Variants in PFKP observed in about 807,000 individuals in gnomAD.
PFKP encodes the protein ATP-dependent 6-phosphofructokinase, platelet type.
Under a neutral mutation model 94.3 loss-of-function variants are expected in PFKP, and 101 were observed. The ratio of observed to expected loss-of-function variants is 1.07; its 90% CI spans 0.91 to 1.26. The LOEUF (loss-of-function observed/expected upper bound fraction) is 1.26. Ranked by LOEUF, PFKP falls within the 50% of genes most tolerant of loss-of-function variation. PFKP has a pLI of 0.00. For missense variants in PFKP, 1,145 were observed against 1,103.3 expected, an observed-to-expected ratio of 1.04 and a Z score of -0.53; for synonymous variants, 573 against 432.6, an observed-to-expected ratio of 1.32 and a Z score of -4.03.
chr10:3,105,144 T>G lies in PFKP; in HGVS notation c.650T>G (p.Met217Arg). The change falls in exon 6 of 22, where the codon ATG becomes AGG. Residue 217 changes from methionine (M) to arginine (R), a missense_variant. Around this residue, in one of 3 missense-constraint regions of PFKP, gnomAD observed 1,119 missense variants for 1,062.8 expected, o/e 1.05. Transcript: ENST00000381125. ...SHQRTFVLEV[M>R]GRHCGYLALV... ...CAGAGGACCTTCGTTCTGGAGGTGATGGGACGACACTGTGGGTACGTACCT... is the reference window on the plus strand; with the variant it reads ...CAGAGGACCTTCGTTCTGGAGGTGAGGGGACGACACTGTGGGTACGTACCT... The G allele has an allele frequency of 6.2e-7, 1 of 1,613,912 alleles. No individual in the cohort carries two copies. The highest frequency in any genetic ancestry group is 8.5e-7 in the Non-Finnish European group (1 of 1,179,950).
intron 20 of PFKP, among the ~76,000 whole-genome samples, chr10:3,134,790 TTC>T (rs1564362696): frequency 2.6e-5 from 4 of 152,256 alleles, no homozygotes; most frequent in African/African-American, 9.6e-5. Flanking sequence ...GTATGACATG[TTC>T]TCTTTTATCA....
At chr10:3,070,328 T>C (rs1351546234) in intron 1 of PFKP, 2 of 152,284 alleles carry the variant, frequency 1.3e-5, no homozygotes, top group African/African-American at 4.8e-5. Flanking sequence ...AAGTAGGTTA[T>C]TCCTCGAGAA....
chr10:3,096,853 C>T (rs1310281163), intron 2 of PFKP, among the ~76,000 whole-genome samples: 2 of 139,666 alleles, frequency 1.4e-5, no homozygotes, highest in Non-Finnish European at 3.1e-5. Context: ...CCGAGGCGGG[C>T]GGATCACGAG....
intron 10 of PFKP, 75 bp from the exon 11 acceptor site, chr10:3,112,147 C>A: frequency 8.2e-7 from 1 of 1,217,542 alleles, no homozygotes. Context: ...AGGACCGAGC[C>A]AGTCTCTACC....
chr10:3,107,107 C>A, intron 7 of PFKP, 107 bp from the exon 8 acceptor site: 1 of 696,818 alleles, frequency 1.4e-6, no homozygotes, highest in Admixed American at 2.2e-5. Context: ...AAGATTCCTG[C>A]CCAGAAAGAG....
chr10:3,092,314 T>G (rs2131485510), intron 2 of PFKP, among the ~76,000 whole-genome samples: 1 of 152,320 alleles, frequency 6.6e-6, no homozygotes, highest in East Asian at 1.9e-4. Flanking sequence ...ATTGGCATCA[T>G]GCTTCCCTTC....
At position 3,113,197 on chromosome 10, in the gene PFKP, C is replaced by T. The variant is rs752614580; in HGVS notation, c.1224+9C>T. ...ATGATCAGATCCCAAAGGTAGGTGG[C>T]CGGCCTCCCGCGATGCCCCGACCTC... is the stretch of plus-strand genomic sequence containing the variant. On this transcript the variant is annotated intron_variant, in intron 12 of 21. Coordinates refer to ENST00000381125, the MANE Select transcript of PFKP (RefSeq NM_002627.5). 4 of 1,609,076 alleles carry T rather than the reference C, an allele frequency of 2.5e-6. No individual in the cohort carries two copies. The South Asian group carries it at 3.3e-5, about 13-fold the overall frequency.
In PFKP at chr10:3,067,694, C is replaced by A. The variant is rs1242602076; in HGVS notation, c.99C>A (p.Gly33=). 2 of 1,504,834 alleles carry A rather than the reference C, an allele frequency of 1.3e-6. No individual in the cohort carries two copies. Among genetic ancestry groups the A allele is most frequent in the South Asian group, 1.2e-5 (1 of 80,720 alleles). 93.2% of individuals were successfully genotyped at this position (1,504,834 alleles called of 1,614,324 possible). ...AGKAIGVLTS[G]GDAQGMNAAV... is the part of the protein sequence containing the mutation. ...AGGCCATCGGCGTGCTGACCAGCGG[C>A]GGGGATGCTCAAGGTGCGCGCCCCC... Residue 33 remains glycine (G), a synonymous_variant, in exon 1 of 22, where the codon GGC becomes GGA. Coordinates refer to ENST00000381125, the MANE Select transcript of PFKP (RefSeq NM_002627.5).
At chr10:3,129,634 C>A in intron 16 of PFKP, 185 bp from the exon 17 acceptor site, 1 of 641,108 alleles carries the variant, frequency 1.6e-6, no homozygotes, top group East Asian at 2.9e-5. Flanking sequence ...TTGCGGGGGA[C>A]CACGTTCACA....
intron 2 of PFKP, among the ~76,000 whole-genome samples, chr10:3,096,757 G>A (rs1181189260): frequency 3.9e-5 from 6 of 151,906 alleles, no homozygotes. Flanking sequence ...GCTCTGTTGT[G>A]CTTGCAGAAT....
At chr10:3,096,096 A>T in intron 2 of PFKP, among the ~76,000 whole-genome samples, 1 of 152,218 alleles carries the variant, frequency 6.6e-6, no homozygotes, top group East Asian at 1.9e-4. Flanking sequence ...ATTCGTTAAC[A>T]TGTTTGATTA....
chr10:3,136,372 G>C (rs560088003), intron 21 of PFKP, 78 bp from the exon 22 acceptor site: 2 of 1,497,036 alleles, frequency 1.3e-6, no homozygotes. Context: ...TGGCAAGACC[G>C]CTCGCTGTGC....
chr10:3,123,150 G>A lies in PFKP; in HGVS notation c.1683+3106G>A, dbSNP rs144611810. Among the ~76,000 whole-genome samples the A allele has an allele frequency of 1.1e-3, 173 of 152,282 alleles. 2 individuals are homozygous for A. The highest frequency in any genetic ancestry group is 0.011 in the East Asian group (57 of 5,180). ...AGAAGGAATGAGATACCTCAGAGCC[G>A]GTGTGACACGTTCTCAGGATACGGC... On this transcript the variant is annotated intron_variant, in intron 16 of 21. Transcript: ENST00000381125.
intron 4 of PFKP, among the ~76,000 whole-genome samples, chr10:3,101,969 G>C (rs560715181): frequency 2.6e-5 from 4 of 152,216 alleles, no homozygotes; most frequent in African/African-American, 9.6e-5. Flanking sequence ...AACTGAAGTT[G>C]GGCCGGGCGC....
At chr10:3,070,989 G>T (rs1200517267) in intron 1 of PFKP, among the ~76,000 whole-genome samples, 1 of 152,040 alleles carries the variant, frequency 6.6e-6, no homozygotes, top group Non-Finnish European at 1.5e-5. Flanking sequence ...CTCCTGTAGT[G>T]ATCCTCCTGC....
rs375319937 is a variant in PFKP at position 3,113,373 on chromosome 10, C to G, written c.1226C>G (p.Thr409Ser). Residue 409 changes from threonine (T) to serine (S), a missense_variant and splice_region_variant, in exon 13 of 22, where the codon ACC (threonine) becomes AGC (serine). Thr to Ser is a moderately conservative substitution (Grantham distance 58). Around this residue, in one of 3 missense-constraint regions of PFKP, gnomAD observed 1,119 missense variants for 1,062.8 expected, o/e 1.05. Coordinates refer to ENST00000381125, the MANE Select transcript of PFKP (RefSeq NM_002627.5). ...ACTCACCTGCCTTCTGTTTTGCAGACCAATTGCAACGTAGCTGTCATCAAC... is the reference window on the plus strand; with the variant it reads ...ACTCACCTGCCTTCTGTTTTGCAGAGCAATTGCAACGTAGCTGTCATCAAC... Reference protein sequence around the residue: ...IKLPDDQIPKTNCNVAVINVG... With the variant: ...IKLPDDQIPKSNCNVAVINVG... 1 of 1,582,350 alleles carries G rather than the reference C, an allele frequency of 6.3e-7. No homozygotes were observed. The highest frequency in any genetic ancestry group is 1.3e-5 in the African/African-American group (1 of 74,444).
intron 2 of PFKP, among the ~76,000 whole-genome samples, chr10:3,094,315 TA>T (rs1834310929): frequency 6.6e-6 from 1 of 152,258 alleles, no homozygotes; most frequent in Non-Finnish European, 1.5e-5. Flanking sequence ...GCCAGAGGGC[TA>T]AATACATCAT....
Position 3,135,109 on chromosome 10 carries a change from A to C in PFKP, c.2122+527A>C, listed in dbSNP as rs1189801014. 2.0e-5 allele frequency among the ~76,000 whole-genome samples: 3 copies of C among 152,160 alleles called. No homozygotes were observed. The East Asian group carries it at 5.8e-4, about 29-fold the overall frequency. ...AAGTTTCAAGAAACATGACTTTTTT[A>C]TAATACTCTTGTTAATGGCTCCAAC... is the stretch of plus-strand genomic sequence containing the variant. On this transcript the variant is annotated intron_variant, in intron 20 of 21. Coordinates refer to ENST00000381125, the MANE Select transcript of PFKP (RefSeq NM_002627.5).
chr10:3,127,407 C>T (rs1026553857), intron 16 of PFKP, among the ~76,000 whole-genome samples: 68 of 152,188 alleles, frequency 4.5e-4, no homozygotes, highest in Admixed American at 4.1e-3. Context: ...TGCCATTAAG[C>T]GGTTGATGTC....
Sources: allele counts gnomAD v4.1 joint callset (sites outside exome capture counted in the v4.1 genomes callset), GRCh38; gene constraint gnomAD v4.1.1; regional missense constraint gnomAD v4.1.1; transcripts MANE v1.5; gene names NCBI Gene and HGNC (gene_info 2026-07-23, HGNC 2026-07-21).